The following MICALL1 variants were observed in gnomAD, a reference collection of about 807,000 sequenced individuals.
The protein encoded by MICALL1 is MICAL like 1.
MICALL1 carries 61 observed loss-of-function variants against 83.7 expected under a neutral mutation model. The observed-to-expected ratio is 0.73, with a 90% CI of 0.59 to 0.90. The LOEUF is 0.90. Among genes scored for constraint, MICALL1 ranks in the 40% least tolerant of loss-of-function variants. The pLI is 0.00. For missense variants in MICALL1, 1,066 were observed against 1,152.0 expected (o/e 0.93, Z 1.08); for synonymous variants, 481 against 473.6 (o/e 1.02, Z -0.20).
In MICALL1 at chr22:37,918,896, G is replaced by A. The variant is rs1218480206; in HGVS notation, c.427-140G>A. ...TGCCCTCTGCCCCTCCTGGGGCCCTGATGAAGTCCATTTCCACCACGAAGC... is the reference window on the plus strand; with the variant it reads ...TGCCCTCTGCCCCTCCTGGGGCCCTAATGAAGTCCATTTCCACCACGAAGC... On this transcript the variant is annotated intron_variant, in intron 4 of 15. Coordinates refer to ENST00000215957, the MANE Select transcript of MICALL1 (RefSeq NM_033386.4). 3.6e-6 allele frequency: 4 copies of A among 1,096,708 alleles called. No homozygotes were observed. In the East Asian group the frequency reaches 9.2e-5, roughly 25 times the overall value. The allele number at this position is 1,096,708 out of a possible 1,614,324, so 67.9% of individuals were successfully genotyped here. A position where few individuals can be genotyped will look rare whatever the true frequency, so the allele number is the denominator to read the frequency against.
chr22:37,938,527 T>C (rs7511239), intron 15 of MICALL1, among the ~76,000 whole-genome samples: 57,080 of 149,822 alleles, frequency 0.38, 11,023 homozygotes, highest in African/African-American at 0.41. Context: ...GATTTTGGCT[T>C]ACTGCAATCT....
Position 37,925,865 on chromosome 22 carries a change from G to A in MICALL1, c.1287G>A (p.Glu429=), listed in dbSNP as rs750754793. 3 of 1,613,712 alleles carry A rather than the reference G, an allele frequency of 1.9e-6. No individual in the cohort carries two copies. Among genetic ancestry groups the A allele is most frequent in the African/African-American group, 1.3e-5 (1 of 74,924 alleles). The change falls in exon 8 of 16, where the codon GAG becomes GAA. Residue 429 remains glutamate, a synonymous_variant. Transcript: ENST00000215957. ...LESKPYNPFE[E]EEEDKEEEAP... ...CCAAACCCTATAACCCCTTTGAGGA[G>A]GAGGAGGAGGACAAGGAGGAAGAGG...
In MICALL1 at chr22:37,930,998, T is replaced by C. The variant is rs1349182700; in HGVS notation, c.1882-801T>C. 6.6e-6 allele frequency among the ~76,000 whole-genome samples: 1 copy of C among 152,186 alleles called. No homozygotes were observed. The highest frequency in any genetic ancestry group is 1.5e-5 in the Non-Finnish European group (1 of 68,030). ...TGCTTCTAGGGAAACCCCTGCCCTC[T>C]TTGAGGCTAGCACAGCCAGGCACCC... On this transcript the variant is annotated intron_variant, in intron 9 of 15. Transcript: ENST00000215957. The surrounding 1 kb of genome is among the most constrained non-coding windows in gnomAD (Gnocchi z 4.8).
chr22:37,934,753 C>T (rs576776134), intron 13 of MICALL1, among the ~76,000 whole-genome samples: 7 of 151,080 alleles, frequency 4.6e-5, no homozygotes, highest in East Asian at 3.9e-4. Context: ...CCTGCCACCA[C>T]GCCCGGCTAA....
intron 9 of MICALL1, 145 bp downstream of exon 9, chr22:37,927,971 G>A (rs924352082): frequency 5.1e-5 from 46 of 894,508 alleles, no homozygotes; most frequent in African/African-American, 1.4e-4. Context: ...GCAGTGGCGC[G>A]ATCTTGGCTC....
intron 9 of MICALL1, among the ~76,000 whole-genome samples, chr22:37,929,047 T>G (rs2145931330): frequency 6.6e-6 from 1 of 151,886 alleles, no homozygotes; most frequent in African/African-American, 2.4e-5. Flanking sequence ...TGCTTGAACC[T>G]GGGAGGTGGA....
chr22:37,921,811 C>G (rs967067553), intron 5 of MICALL1, among the ~76,000 whole-genome samples, 161 bp from the exon 6 acceptor site: 5 of 152,158 alleles, frequency 3.3e-5, no homozygotes, highest in African/African-American at 1.2e-4. Flanking sequence ...CTGACAGTTA[C>G]TGTTTTCTTT....
intron 2 of MICALL1, 66 bp from the exon 3 acceptor site, chr22:37,912,285 G>A (rs1381143632): frequency 3.9e-6 from 6 of 1,541,280 alleles, no homozygotes; most frequent in Admixed American, 1.9e-5. Flanking sequence ...CTGAGGGGTC[G>A]CCCCCTAACG....
rs71317075 is a variant in MICALL1, at chr22:37,912,994, C to T, written c.337+502C>T. 8.3e-3 allele frequency among the ~76,000 whole-genome samples: 1,201 copies of T among 144,920 alleles called. 7 individuals carry two copies. Among genetic ancestry groups the T allele is most frequent in the Non-Finnish European group, 0.013 (841 of 66,684 alleles). On this transcript the variant is annotated intron_variant, in intron 3 of 15. Transcript: ENST00000215957. ...TTTTTTTTTTTGAGACGGAGTTTCA[C>T]TCTTGTTGCACAGGCTAGAGTGCAA...
chr22:37,919,149 C>T lies in MICALL1; in HGVS notation c.540C>T (p.Asp180=), dbSNP rs374661268. The change falls in exon 5 of 16, where the codon GAC becomes GAT. Residue 180 remains aspartate (D), a synonymous_variant. Coordinates refer to ENST00000215957, the MANE Select transcript of MICALL1 (RefSeq NM_033386.4). ...HVHLVQRYLA[D]GRLYHRHCFR... ...ACTTGGTGCAGCGCTACCTGGCTGA[C>T]GGCAGGCTGTACCATCGCCACTGCT... 55 of 1,548,456 alleles carry T rather than the reference C, an allele frequency of 3.6e-5. No homozygotes were observed. Among genetic ancestry groups the T allele is most frequent in the African/African-American group, 6.8e-5 (5 of 73,174 alleles).
In MICALL1 at chr22:37,924,841, G is replaced by A; in HGVS notation, c.1082+124G>A. 1 of 913,018 alleles carries A rather than the reference G, an allele frequency of 1.1e-6. No homozygotes were observed. The highest frequency in any genetic ancestry group is 2.9e-5 in the East Asian group (1 of 34,486). 56.6% of individuals were successfully genotyped at this position (913,018 alleles called of 1,614,324 possible). ...GGCAGGGCGGGGCTCAGGAGGGGAA[G>A]GAGAGCTGGGCCCACACCCCTTCTC... On this transcript the variant is annotated intron_variant, in intron 7 of 15. Coordinates refer to ENST00000215957, the MANE Select transcript of MICALL1 (RefSeq NM_033386.4). This position sits in a 1 kb window ranked among gnomAD's most constrained non-coding sequence, Gnocchi z 5.2.
In MICALL1 at chr22:37,906,872, C is replaced by T. The variant is rs1487628910; in HGVS notation, c.146+304C>T. The T allele has an allele frequency of 1.2e-5, 2 of 165,242 alleles. No individual in the cohort carries two copies. The highest frequency in any genetic ancestry group is 2.6e-5 in the Non-Finnish European group (2 of 76,816). The allele number at this position is 165,242 out of a possible 1,614,324, so 10.2% of individuals were successfully genotyped here. ...GATTTCCGCCGAGGATCGCTGAACC[C>T]CTAAGCCCTTGACCTCTTTGAAGGG... On this transcript the variant is annotated intron_variant, in intron 1 of 15. Transcript: ENST00000215957. This position sits in a 1 kb window ranked among gnomAD's most constrained non-coding sequence, Gnocchi z 4.4.
At chr22:37,925,489 GCTGTGA>G (rs1211706157) in intron 7 of MICALL1, among the ~76,000 whole-genome samples, 166 bp from the exon 8 acceptor site, 1 of 152,124 alleles carries the variant, frequency 6.6e-6, no homozygotes, top group Non-Finnish European at 1.5e-5. Context: ...GGCCTCAAAG[GCTGTGA>G]CTGTAACATT....
intron 5 of MICALL1, among the ~76,000 whole-genome samples, chr22:37,921,582 A>C (rs1176175927): frequency 6.6e-6 from 1 of 152,204 alleles, no homozygotes; most frequent in Admixed American, 6.5e-5. Context: ...TCAAAAAAAC[A>C]AAACAAAACA....
In MICALL1 at chr22:37,937,784, A is replaced by G; in HGVS notation, c.2462A>G (p.Lys821Arg). The change falls in exon 15 of 16, where the codon AAG becomes AGG. Residue 821 changes from lysine (K) to arginine (R), a missense_variant. Transcript: ENST00000215957. ...EEDKMLEAMI[K>R]KKEFQREAEP... ...GACAAGATGTTGGAAGCCATGATCA[A>G]GAAGAAAGGTGAGGCCCTTGCTGGG... is the stretch of plus-strand genomic sequence containing the variant. The G allele has an allele frequency of 6.2e-7, 1 of 1,613,598 alleles. No homozygotes were observed. Among genetic ancestry groups the G allele is most frequent in the Non-Finnish European group, 8.5e-7 (1 of 1,179,644 alleles).
At chr22:37,928,419 G>T (rs955374207) in intron 9 of MICALL1, among the ~76,000 whole-genome samples, 2 of 152,136 alleles carry the variant, frequency 1.3e-5, no homozygotes, top group African/African-American at 4.8e-5. Flanking sequence ...TGTTAGCCAA[G>T]ATGGTCTCGA....
At position 37,937,184 on chromosome 22, in the gene MICALL1, G is replaced by C; in HGVS notation, c.2413G>C (p.Asp805His). The change falls in exon 14 of 16, where the codon GAC becomes CAC. Residue 805 changes from aspartate to histidine, a missense_variant. By Grantham distance (81) the Asp-to-His change is moderately conservative. Coordinates refer to ENST00000215957, the MANE Select transcript of MICALL1 (RefSeq NM_033386.4). Reference protein sequence around the residue: ...RNAIINCLDEDRQREEEEDKM... With the variant: ...RNAIINCLDEHRQREEEEDKM... ...CGCTATCATCAACTGCCTGGATGAG[G>C]ACCGGCAGAGGTGACATGGCCAGGG... 6.5e-7 allele frequency: 1 copy of C among 1,546,264 alleles called. No homozygotes were observed. The highest frequency in any genetic ancestry group is 8.7e-7 in the Non-Finnish European group (1 of 1,144,318).
At chr22:37,935,768 TG>T (rs1166995964) in intron 13 of MICALL1, among the ~76,000 whole-genome samples, 3 of 143,146 alleles carry the variant, frequency 2.1e-5, no homozygotes, top group Non-Finnish European at 4.6e-5. Flanking sequence ...CTCACTCTGT[TG>T]CCCAGGCTGG....
At position 37,939,816 on chromosome 22, in the gene MICALL1, C is replaced by T. The variant is rs182907168; in HGVS notation, c.2471-893C>T. Among the ~76,000 whole-genome samples, 1,123 of 147,438 alleles carry T rather than the reference C, an allele frequency of 7.6e-3. 4 individuals are homozygous for T. Among genetic ancestry groups the T allele is most frequent in the Middle Eastern group, 0.026 (7 of 268 alleles). On this transcript the variant is annotated intron_variant, in intron 15 of 15. Transcript: ENST00000215957. ...AAAAAAAGATAAGTGGGGCCAGGCA[C>T]GGTGGCTCACGCCTGTAATCCCAGC...
Sources: gnomAD v4.1 joint callset for allele counts (sites outside exome capture counted in the v4.1 genomes callset) on GRCh38, gnomAD v4.1.1 for gene constraint, Gnocchi (gnomAD v3.1) non-coding constraint, MANE v1.5 for transcripts, NCBI Gene and HGNC (gene_info 2026-07-23, HGNC 2026-07-21) for gene names.